NR2C2: variants seen among roughly 807,000 people sequenced by gnomAD.
NR2C2 encodes nuclear receptor subfamily 2 group C member 2, also known as Nuclear hormone receptor TR4.
In NR2C2, 6 loss-of-function variants were observed where a neutral mutation model predicts 62.9. The observed-to-expected ratio is 0.10, with a 90% confidence interval of 0.05 to 0.19. The LOEUF (loss-of-function observed/expected upper bound fraction) is 0.19, where lower values mean the gene tolerates loss of function less well. Among genes scored for constraint, NR2C2 ranks in the 10% least tolerant of loss-of-function variants. The pLI, the probability that NR2C2 is intolerant of heterozygous loss-of-function variation, is 1.00. For synonymous variants in NR2C2, 272 were observed against 273.8 expected (o/e 0.99, Z 0.07); for missense variants, 479 against 762.7 (o/e 0.63, Z 4.38).
chr3:14,985,107 T>G (rs1234932509), intron 1 of NR2C2, among the ~76,000 whole-genome samples: 2 of 152,138 alleles, frequency 1.3e-5, no homozygotes, highest in African/African-American at 4.8e-5. Flanking sequence ...TATCAAATCT[T>G]TTGCCTATTA....
chr3:15,029,627 A>G (rs61446717), intron 8 of NR2C2, among the ~76,000 whole-genome samples: 6,262 of 152,254 alleles, frequency 0.041, 445 homozygotes, highest in African/African-American at 0.14. Flanking sequence ...GTAAAATGGA[A>G]GATAATTTTT....
At chr3:15,022,862 A>G (rs1389046690) in intron 5 of NR2C2, among the ~76,000 whole-genome samples, 1 of 152,166 alleles carries the variant, frequency 6.6e-6, no homozygotes, top group Non-Finnish European at 1.5e-5. Context: ...ATCTCTACAA[A>G]AAATAATAAA....
intron 3 of NR2C2, 111 bp from the exon 4 acceptor site, chr3:15,016,041 A>T (rs1402391487): frequency 1.3e-6 from 1 of 754,216 alleles, no homozygotes; most frequent in Non-Finnish European, 2.3e-6. Context: ...ACCTCAAGTG[A>T]TCCACCCACC....
chr3:15,003,769 C>G, intron 1 of NR2C2, 107 bp from the exon 2 acceptor site: 1 of 687,226 alleles, frequency 1.5e-6, no homozygotes, highest in Non-Finnish European at 2.6e-6. Flanking sequence ...CAGAACCATA[C>G]AAGTTCATCA....
chr3:14,957,981 T>C (rs1453945412), intron 1 of NR2C2, among the ~76,000 whole-genome samples: 1 of 152,218 alleles, frequency 6.6e-6, no homozygotes, highest in Non-Finnish European at 1.5e-5. Flanking sequence ...TTGTATGAGC[T>C]GTCCTCTCTG....
chr3:15,029,816 G>GATAGATAA lies in NR2C2; in HGVS notation c.933-452_933-451insAATAGATA, dbSNP rs1357471135. On this transcript the variant is annotated intron_variant, in intron 8 of 13. Transcript: ENST00000425241. ...TAATAGATAGATAGATAGATAGATA[G>GATAGATAA]ATAGATAGATAGATAGATAGATAGA... Among the ~76,000 whole-genome samples, 433 of 125,442 alleles carry GATAGATAA rather than the reference G, an allele frequency of 3.5e-3. 2 individuals are homozygous for GATAGATAA. The highest frequency in any genetic ancestry group is 8.4e-3 in the Admixed American group (107 of 12,812). The allele number at this position is 125,442 out of a possible 152,430, so 82.3% of individuals were successfully genotyped here. A position where few individuals can be genotyped will look rare whatever the true frequency, so the allele number is the denominator to read the frequency against.
At chr3:14,981,311 T>A in intron 1 of NR2C2, among the ~76,000 whole-genome samples, 1 of 151,886 alleles carries the variant, frequency 6.6e-6, no homozygotes, top group East Asian at 1.9e-4. Flanking sequence ...TATGAAAATA[T>A]TAAAAAGTTA....
At chr3:14,967,526 G>T (rs1481589686) in intron 1 of NR2C2, among the ~76,000 whole-genome samples, 1 of 151,872 alleles carries the variant, frequency 6.6e-6, no homozygotes, top group Non-Finnish European at 1.5e-5. Context: ...TGTGAAATTT[G>T]ATTTTAAAAA....
intron 1 of NR2C2, among the ~76,000 whole-genome samples, chr3:14,982,176 C>T (rs2040390360): frequency 6.6e-6 from 1 of 152,124 alleles, no homozygotes; most frequent in South Asian, 2.1e-4. Context: ...GCAGTCCTTC[C>T]ACCTCACCCT....
At chr3:15,009,065 AC>A (rs1285181163) in intron 2 of NR2C2, among the ~76,000 whole-genome samples, 1 of 148,232 alleles carries the variant, frequency 6.7e-6, no homozygotes, top group African/African-American at 2.4e-5. Flanking sequence ...TACTAAAAAT[AC>A]AAAAAATTAG....
chr3:14,989,589 A>G (rs1019521357), intron 1 of NR2C2, among the ~76,000 whole-genome samples: 2 of 152,102 alleles, frequency 1.3e-5, no homozygotes, highest in African/African-American at 4.8e-5. Flanking sequence ...GAGTTCAGGT[A>G]TCAGTCTGGG....
chr3:14,956,963 T>A (rs1166539269), intron 1 of NR2C2, among the ~76,000 whole-genome samples: 1 of 152,240 alleles, frequency 6.6e-6, no homozygotes, highest in Non-Finnish European at 1.5e-5. Flanking sequence ...CAGATTTCTT[T>A]GAGAAAGCAA....
intron 1 of NR2C2, among the ~76,000 whole-genome samples, chr3:14,969,980 A>G (rs1003609213): frequency 6.6e-6 from 1 of 152,182 alleles, no homozygotes; most frequent in African/African-American, 2.4e-5. Flanking sequence ...TGGAATGCCT[A>G]ACTCACTAGG....
chr3:14,954,340 A>G (rs1381746897), intron 1 of NR2C2, among the ~76,000 whole-genome samples: 2 of 152,172 alleles, frequency 1.3e-5, no homozygotes, highest in Non-Finnish European at 2.9e-5. Flanking sequence ...ATAAAAATTA[A>G]AAATAGATAA....
At position 14,964,707 on chromosome 3, in the gene NR2C2, T is replaced by C. The variant is rs974222734; in HGVS notation, c.-40+16801T>C. The stretch of plus-strand genomic sequence containing the variant: ...TTTTTTTTTTTTTTTGTATTTTTAG[T>C]AGAGACGGGTTTCACCGTGTTAGCC... On this transcript the variant is annotated intron_variant, in intron 1 of 13. Coordinates refer to ENST00000425241, the MANE Select transcript of NR2C2 (RefSeq NM_001291694.2). Among the ~76,000 whole-genome samples the C allele has an allele frequency of 2.6e-5, 4 of 151,532 alleles. No individual in the cohort carries two copies. In the East Asian group the frequency reaches 7.8e-4, roughly 29 times the overall value.
intron 1 of NR2C2, among the ~76,000 whole-genome samples, chr3:14,965,527 A>C (rs1405395066): frequency 1.1e-5 from 1 of 93,408 alleles, no homozygotes; most frequent in Non-Finnish European, 2.3e-5. Flanking sequence ...CATGGCAAAA[A>C]AAAAAAAAAA....
chr3:14,950,310 G>A (rs924950831), intron 1 of NR2C2, among the ~76,000 whole-genome samples: 1 of 152,136 alleles, frequency 6.6e-6, no homozygotes, highest in African/African-American at 2.4e-5. Context: ...ACTAACCAAA[G>A]TATAGGGTGC....
intron 1 of NR2C2, among the ~76,000 whole-genome samples, chr3:14,995,358 A>AC (rs1308621692): frequency 2.1e-5 from 3 of 145,608 alleles, no homozygotes; most frequent in Non-Finnish European, 4.5e-5. Flanking sequence ...CTTAGCTCTC[A>AC]CCCCCCAGCC....
At chr3:15,023,910 C>G (rs1426248508) in intron 6 of NR2C2, among the ~76,000 whole-genome samples, 1 of 152,212 alleles carries the variant, frequency 6.6e-6, no homozygotes, top group Non-Finnish European at 1.5e-5. Context: ...CATCCTGTCT[C>G]AAGCTGTAAA....
Sources: gnomAD v4.1 joint callset for allele counts (sites outside exome capture counted in the v4.1 genomes callset) on GRCh38, gnomAD v4.1.1 for gene constraint, MANE v1.5 for transcripts, NCBI Gene and HGNC (gene_info 2026-07-23, HGNC 2026-07-21) for gene names.